R3HDM2: variants seen among roughly 807,000 people sequenced by gnomAD.
R3HDM2 encodes the protein R3H domain containing 2.
A neutral mutation model predicts 124.5 loss-of-function variants in R3HDM2; 38 were observed. The observed-to-expected ratio is 0.31, with a 90% confidence interval of 0.24 to 0.40. The LOEUF (loss-of-function observed/expected upper bound fraction) is 0.40, where lower values mean the gene tolerates loss of function less well. Among genes scored for constraint, R3HDM2 ranks in the 10% least tolerant of loss-of-function variants. The pLI is 1.00. For synonymous variants in R3HDM2, 391 were observed against 448.0 expected, an observed-to-expected ratio of 0.87 and a Z score of 1.61; for missense variants, 869 against 1,236.9, an observed-to-expected ratio of 0.70 and a Z score of 4.46.
intron 18 of R3HDM2, 100 bp downstream of exon 18, chr12:57,268,203 T>C (rs563472452): frequency 8.1e-6 from 11 of 1,355,114 alleles, no homozygotes; most frequent in South Asian, 7.4e-5. Context: ...CTGGGATCTT[T>C]ACCCCTGCCT....
chr12:57,278,160 G>A (rs1439089732), intron 14 of R3HDM2, among the ~76,000 whole-genome samples: 3 of 152,164 alleles, frequency 2.0e-5, no homozygotes, highest in Non-Finnish European at 1.5e-5. Flanking sequence ...AACAGGAATT[G>A]CTGCACCAAG....
chr12:57,263,088 C>T (rs1341274635), intron 19 of R3HDM2, among the ~76,000 whole-genome samples: 2 of 152,104 alleles, frequency 1.3e-5, no homozygotes, highest in Non-Finnish European at 2.9e-5. Flanking sequence ...TTAAATTAAC[C>T]TAGTATGACA....
intron 1 of R3HDM2, among the ~76,000 whole-genome samples, chr12:57,404,524 C>T (rs1323791295): frequency 1.3e-5 from 2 of 151,448 alleles, no homozygotes; most frequent in Non-Finnish European, 2.9e-5. Flanking sequence ...GGTGAAACCT[C>T]GTCTCTATTA....
chr12:57,342,209 T>C (rs2059631922), intron 2 of R3HDM2, among the ~76,000 whole-genome samples: 1 of 152,152 alleles, frequency 6.6e-6, no homozygotes, highest in Non-Finnish European at 1.5e-5. Flanking sequence ...GAGCTCACAT[T>C]ATTAATGGAG....
chr12:57,352,862 T>C lies in R3HDM2; in HGVS notation c.-35-42399A>G, dbSNP rs1238598067. 2.0e-5 allele frequency among the ~76,000 whole-genome samples: 3 copies of C among 152,062 alleles called. No homozygotes were observed. The East Asian group carries it at 5.8e-4, about 29-fold the overall frequency. On this transcript the variant is annotated intron_variant, in intron 2 of 23. Transcript: ENST00000402412. ...ATCAATGGGAAAAGAATAGAGATCCTGTACATGACCCAAAACTTGATTATA... is the reference window on the plus strand; with the variant it reads ...ATCAATGGGAAAAGAATAGAGATCCCGTACATGACCCAAAACTTGATTATA...
chr12:57,371,082 A>AATTTTTTT (rs1491062795), intron 2 of R3HDM2, among the ~76,000 whole-genome samples: 1 of 50,806 alleles, frequency 2.0e-5, no homozygotes, highest in African/African-American at 6.7e-5. Context: ...ATATACCATT[A>AATTTTTTT]CTTTTTTTTT....
At position 57,303,214 on chromosome 12, in the gene R3HDM2, G is replaced by T; in HGVS notation, c.169C>A (p.Arg57=). 6.5e-7 allele frequency: 1 copy of T among 1,527,682 alleles called. No individual in the cohort carries two copies. Among genetic ancestry groups the T allele is most frequent in the Non-Finnish European group, 8.9e-7 (1 of 1,125,204 alleles). 94.6% of individuals were successfully genotyped at this position (1,527,682 alleles called of 1,614,324 possible). A position where few individuals can be genotyped will look rare whatever the true frequency, so the allele number is the denominator to read the frequency against. The stretch of plus-strand genomic sequence containing the variant: ...CTGGCATGACCATGGTTAGATGTCC[G>T]CCTCTGTTAGAAGGGAATTGGAAAA... ...DTSLRQETQR[R]TSNHGHARKR... Residue 57 remains arginine (R), a synonymous_variant, in exon 4 of 24, where the codon CGG becomes AGG. Transcript: ENST00000402412.
chr12:57,393,596 T>C (rs1027053862), intron 2 of R3HDM2, among the ~76,000 whole-genome samples: 11 of 152,112 alleles, frequency 7.2e-5, no homozygotes, highest in Non-Finnish European at 1.5e-5. Context: ...CCATCAAGCA[T>C]ACTAACAAAT....
Position 57,266,824 on chromosome 12 carries a change from C to T in R3HDM2, c.2038G>A (p.Val680Ile). ...GAGCCAGGGGGTTGCAGAAACCCTA[C>T]AGAAGGGCTGGGAAGACAGAGAAGA... is the stretch of plus-strand genomic sequence containing the variant. Reference protein sequence around the residue: ...PAQQNGTSPSVGFLQPPGSEQ... With the variant: ...PAQQNGTSPSIGFLQPPGSEQ... Residue 680 changes from valine (V) to isoleucine (I), a missense_variant, in exon 19 of 24, where the codon GTA becomes ATA. By Grantham distance (29) the Val-to-Ile change is conservative. Transcript: ENST00000402412. 6.3e-7 allele frequency: 1 copy of T among 1,599,262 alleles called. No homozygotes were observed. Among genetic ancestry groups the T allele is most frequent in the African/African-American group, 1.3e-5 (1 of 74,632 alleles).
intron 2 of R3HDM2, among the ~76,000 whole-genome samples, chr12:57,395,295 G>A (rs1184242102): frequency 6.6e-6 from 1 of 151,052 alleles, no homozygotes; most frequent in Non-Finnish European, 1.5e-5. Flanking sequence ...ACCTAAGGTC[G>A]GGAGTTCCAG....
intron 2 of R3HDM2, among the ~76,000 whole-genome samples, chr12:57,354,171 ATTTTT>A (rs550827910): frequency 6.9e-6 from 1 of 145,510 alleles, no homozygotes; most frequent in Non-Finnish European, 1.5e-5. Flanking sequence ...GCCTGGTCTA[ATTTTT>A]TTTTTTAAGT....
intron 19 of R3HDM2, among the ~76,000 whole-genome samples, chr12:57,263,800 A>G (rs2041522492): frequency 6.6e-6 from 1 of 152,196 alleles, no homozygotes; most frequent in South Asian, 2.1e-4. Context: ...TAAAGGTAAG[A>G]ACTGATCATG....
chr12:57,291,262 G>GAA (rs1422016504), intron 11 of R3HDM2, among the ~76,000 whole-genome samples: 1 of 150,486 alleles, frequency 6.6e-6, no homozygotes, highest in African/African-American at 2.4e-5. Context: ...TGATGATGAT[G>GAA]AAAAAATATA....
intron 3 of R3HDM2, among the ~76,000 whole-genome samples, chr12:57,308,275 T>G (rs1269810186): frequency 6.6e-6 from 1 of 151,214 alleles, no homozygotes; most frequent in East Asian, 2.0e-4. Context: ...AGGCCGATCT[T>G]GAACTCCCGA....
At chr12:57,319,877 C>T (rs1382038693) in intron 2 of R3HDM2, among the ~76,000 whole-genome samples, 1 of 152,076 alleles carries the variant, frequency 6.6e-6, no homozygotes, top group Non-Finnish European at 1.5e-5. Context: ...GTCCTTTCAG[C>T]CAATGCAGAA....
intron 2 of R3HDM2, among the ~76,000 whole-genome samples, chr12:57,390,774 G>C (rs1405937503): frequency 6.6e-6 from 1 of 152,200 alleles, no homozygotes; most frequent in Non-Finnish European, 1.5e-5. Flanking sequence ...CACTTTGGGA[G>C]GTGAGGCGGG....
intron 1 of R3HDM2, among the ~76,000 whole-genome samples, chr12:57,400,093 A>G (rs2067912468): frequency 6.6e-6 from 1 of 152,224 alleles, no homozygotes; most frequent in Non-Finnish European, 1.5e-5. Flanking sequence ...TATATACCCA[A>G]AGGATTATAA....
At chr12:57,357,526 C>G (rs1405953474) in intron 2 of R3HDM2, among the ~76,000 whole-genome samples, 1 of 151,582 alleles carries the variant, frequency 6.6e-6, no homozygotes, top group African/African-American at 2.4e-5. Flanking sequence ...GTGATGTTGT[C>G]TCTCTCATAC....
At chr12:57,281,018 C>T (rs146359755) in intron 13 of R3HDM2, among the ~76,000 whole-genome samples, 354 of 152,292 alleles carry the variant, frequency 2.3e-3, no homozygotes, top group Middle Eastern at 6.8e-3. Flanking sequence ...CGCAGTGGCT[C>T]ATGCCTGTAA....
Sources: allele counts gnomAD v4.1 joint callset (sites outside exome capture counted in the v4.1 genomes callset), GRCh38; gene constraint gnomAD v4.1.1; transcripts MANE v1.5; gene names NCBI Gene and HGNC (gene_info 2026-07-23, HGNC 2026-07-21).